RPH3AL: variants seen among roughly 807,000 people sequenced by gnomAD.
The protein encoded by RPH3AL is rabphilin 3A like (without C2 domains), also known as rab effector Noc2.
A neutral mutation model predicts 43.1 loss-of-function variants in RPH3AL; 38 were observed. That is an observed-to-expected ratio of 0.88 (90% CI 0.68 to 1.15). The LOEUF (loss-of-function observed/expected upper bound fraction) is 1.15, where lower values mean the gene tolerates loss of function less well. Ranked by LOEUF, RPH3AL falls within the 50% of genes most tolerant of loss-of-function variation. The probability of loss-of-function intolerance (pLI) is 0.00; values close to 1 mark genes in which losing one functional copy is unlikely to be tolerated. For synonymous variants in RPH3AL, 189 were observed against 176.3 expected, an observed-to-expected ratio of 1.07 and a Z score of -0.57; for missense variants, 462 against 423.2, an observed-to-expected ratio of 1.09 and a Z score of -0.81.
chr17:318,392 A>G (rs984869704), intron 5 of RPH3AL, among the ~76,000 whole-genome samples: 4 of 152,114 alleles, frequency 2.6e-5, no homozygotes, highest in African/African-American at 9.7e-5. Flanking sequence ...TGGGGGTGGA[A>G]AAAAGCATGA....
chr17:270,334 A>G (rs756585199), intron 6 of RPH3AL, among the ~76,000 whole-genome samples: 1 of 152,240 alleles, frequency 6.6e-6, no homozygotes, highest in African/African-American at 2.4e-5. Context: ...CGGTGAGCAC[A>G]GGCCGCCTGC....
chr17:329,285 C>T (rs924918791), intron 2 of RPH3AL, among the ~76,000 whole-genome samples: 1 of 151,796 alleles, frequency 6.6e-6, no homozygotes, highest in Non-Finnish European at 1.5e-5. Flanking sequence ...CCAGCCTGGC[C>T]AATATGGTGA....
chr17:243,728 TATTG>T (rs1436496708), intron 7 of RPH3AL, among the ~76,000 whole-genome samples: 2,264 of 144,666 alleles, frequency 0.016, 11 homozygotes, highest in South Asian at 0.04. Context: ...ACCCTTCCTC[TATTG>T]ATTACCTTCC....
chr17:219,192 C>CT (rs796389217), intron 8 of RPH3AL, among the ~76,000 whole-genome samples: 9,864 of 57,572 alleles, frequency 0.17, 2,104 homozygotes, highest in Middle Eastern at 0.36. Context: ...ATAAACAGCA[C>CT]TTTTTTTTTT....
chr17:250,765 T>A (rs56384259), intron 6 of RPH3AL, among the ~76,000 whole-genome samples: 7 of 139,942 alleles, frequency 5.0e-5, no homozygotes, highest in Admixed American at 2.1e-4. Context: ...TACCAAGCTC[T>A]GCCACTGCGG....
chr17:330,022 G>C (rs1390216145), intron 2 of RPH3AL, among the ~76,000 whole-genome samples: 2 of 152,220 alleles, frequency 1.3e-5, no homozygotes, highest in Non-Finnish European at 2.9e-5. Flanking sequence ...TATTCTTATG[G>C]AAACACTTTT....
Position 289,719 on chromosome 17 carries a change from C to A in RPH3AL, c.352-7865G>T, listed in dbSNP as rs1161135678. The stretch of plus-strand genomic sequence containing the variant: ...ACCCTCTGAGCTCCAGCCGTGTGGG[C>A]CGTTTGTCAGCCCCTGGTCCTTCTG... On this transcript the variant is annotated intron_variant, in intron 5 of 9. Transcript: ENST00000331302. The surrounding 1 kb of genome is among the most constrained non-coding windows in gnomAD (Gnocchi z 5.2). Among the ~76,000 whole-genome samples, 1 of 152,218 alleles carries A rather than the reference C, an allele frequency of 6.6e-6. No homozygotes were observed. Among genetic ancestry groups the A allele is most frequent in the East Asian group, 1.9e-4 (1 of 5,190 alleles).
At chr17:278,834 T>C (rs1158703315) in intron 6 of RPH3AL, among the ~76,000 whole-genome samples, 1 of 152,156 alleles carries the variant, frequency 6.6e-6, no homozygotes, top group Non-Finnish European at 1.5e-5. Context: ...CCAAAGCAGA[T>C]GGGCTGAGGC....
At chr17:324,650 C>T (rs148086122) in intron 3 of RPH3AL, among the ~76,000 whole-genome samples, 1 of 150,524 alleles carries the variant, frequency 6.6e-6, no homozygotes, top group Non-Finnish European at 1.5e-5. Flanking sequence ...ACCTTCTGTC[C>T]ACCTCTCACT....
chr17:321,466 C>G, intron 3 of RPH3AL, 51 bp from the exon 4 acceptor site: 1 of 1,504,376 alleles, frequency 6.6e-7, no homozygotes. Flanking sequence ...GTGCAAACTC[C>G]GGCAGCCCCT....
chr17:319,134 A>G (rs897857975), intron 5 of RPH3AL, among the ~76,000 whole-genome samples: 4 of 152,226 alleles, frequency 2.6e-5, no homozygotes, highest in African/African-American at 7.2e-5. Context: ...GTCATAGCAG[A>G]AGAGCTAGAT....
intron 7 of RPH3AL, among the ~76,000 whole-genome samples, chr17:236,797 G>T (rs1246709970): frequency 6.6e-6 from 1 of 152,280 alleles, no homozygotes; most frequent in South Asian, 2.1e-4. Flanking sequence ...AGTCGGAAAA[G>T]AAAAAGCCAG....
At chr17:258,493 G>T (rs2042119505) in intron 6 of RPH3AL, among the ~76,000 whole-genome samples, 1 of 152,182 alleles carries the variant, frequency 6.6e-6, no homozygotes, top group East Asian at 1.9e-4. Flanking sequence ...GGGGTGTGCT[G>T]GTGGGGAGGA....
chr17:276,389 A>C (rs1352608645), intron 6 of RPH3AL, among the ~76,000 whole-genome samples: 3 of 152,072 alleles, frequency 2.0e-5, no homozygotes, highest in African/African-American at 4.8e-5. Flanking sequence ...GTTTTATTTT[A>C]GAGACAGGGC....
intron 5 of RPH3AL, among the ~76,000 whole-genome samples, chr17:286,861 G>A (rs983021286): frequency 6.6e-6 from 1 of 151,724 alleles, no homozygotes; most frequent in South Asian, 2.1e-4. Flanking sequence ...AAGCTTCTGG[G>A]CCTAACCCAG....
At chr17:294,570 A>T (rs12944896) in intron 5 of RPH3AL, among the ~76,000 whole-genome samples, 14,883 of 88,932 alleles carry the variant, frequency 0.17, 1,215 homozygotes, top group African/African-American at 0.27. Context: ...GGGACAGAGG[A>T]GCTGCAGAAA....
Position 339,291 on chromosome 17 carries a change from A to T in RPH3AL, c.-212-5357T>A, listed in dbSNP as rs1407453240. Among the ~76,000 whole-genome samples the T allele has an allele frequency of 5.9e-5, 9 of 152,354 alleles. No homozygotes were observed. The East Asian group carries it at 1.4e-3, about 23-fold the overall frequency. On this transcript the variant is annotated intron_variant, in intron 1 of 9. Transcript: ENST00000331302. ...AGAATGCCCATAAGAGGGCCAGCGG[A>T]GGGCTCAGGCAACAGTGGGGGCCAC...
At chr17:348,341 A>G (rs561725897) in intron 1 of RPH3AL, among the ~76,000 whole-genome samples, 1 of 152,250 alleles carries the variant, frequency 6.6e-6, no homozygotes, top group South Asian at 2.1e-4. Context: ...CACTACCTAC[A>G]CCTCCAAGAT....
chr17:337,790 C>T (rs768618456), intron 1 of RPH3AL, among the ~76,000 whole-genome samples: 18 of 152,224 alleles, frequency 1.2e-4, no homozygotes, highest in South Asian at 4.1e-4. Context: ...TTTTGTACCC[C>T]GGCAAGGCCC....
Sources: allele counts gnomAD v4.1 joint callset (sites outside exome capture counted in the v4.1 genomes callset), GRCh38; gene constraint gnomAD v4.1.1; non-coding constraint Gnocchi (gnomAD v3.1); transcripts MANE v1.5; gene names NCBI Gene and HGNC (gene_info 2026-07-23, HGNC 2026-07-21).